The following PDE11A variants were observed in gnomAD, a reference collection of about 807,000 sequenced individuals.
The protein encoded by PDE11A is phosphodiesterase 11A.
PDE11A carries 100 observed loss-of-function variants against 100.5 expected under a neutral mutation model. The observed-to-expected ratio is 1.00, with a 90% CI of 0.85 to 1.18. The LOEUF (loss-of-function observed/expected upper bound fraction) is 1.18. Ranked by LOEUF, PDE11A falls within the 50% of genes most tolerant of loss-of-function variation. The pLI is 0.00. For synonymous variants in PDE11A, 381 were observed against 420.8 expected (o/e 0.91, Z 1.16); for missense variants, 1,141 against 1,152.6 (o/e 0.99, Z 0.15).
intron 9 of PDE11A, among the ~76,000 whole-genome samples, chr2:177,794,219 G>A (rs548908824): frequency 6.6e-6 from 1 of 152,252 alleles, no homozygotes; most frequent in African/African-American, 2.4e-5. Context: ...GCACTGAATA[G>A]TACAAATAAA....
At chr2:177,859,759 A>T (rs1281471716) in intron 5 of PDE11A, among the ~76,000 whole-genome samples, 1 of 147,870 alleles carries the variant, frequency 6.8e-6, no homozygotes, top group African/African-American at 2.5e-5. Flanking sequence ...CTCATATGAT[A>T]AAAAAAAAAA....
intron 2 of PDE11A, among the ~76,000 whole-genome samples, chr2:177,955,820 T>A (rs2085554441): frequency 6.6e-6 from 1 of 152,220 alleles, no homozygotes. Context: ...AAGGATTCCC[T>A]ATTTAATAAA....
In PDE11A at chr2:177,820,271, T is replaced by C. The variant is rs1190496727; in HGVS notation, c.1525A>G (p.Ile509Val). The change falls in exon 7 of 20, where the codon ATA (isoleucine) becomes GTA (valine). Residue 509 changes from isoleucine (I) to valine (V), a missense_variant. By Grantham distance (29) the Ile-to-Val change is conservative. Coordinates refer to ENST00000286063, the MANE Select transcript of PDE11A (RefSeq NM_016953.4). ...ATAGGGACACAAAGAACAGATCTTA[T>C]GTGAAAACCAGATATCTGGTCTGCC... ...AEADQISGFHIRSVLCVPIWN... is the reference protein window; with the variant it reads ...AEADQISGFHVRSVLCVPIWN... 2 of 1,590,578 alleles carry C rather than the reference T, an allele frequency of 1.3e-6. No individual in the cohort carries two copies. Among genetic ancestry groups the C allele is most frequent in the African/African-American group, 1.3e-5 (1 of 74,382 alleles).
chr2:177,822,651 G>A (rs548184019), intron 6 of PDE11A, among the ~76,000 whole-genome samples: 8 of 151,948 alleles, frequency 5.3e-5, no homozygotes, highest in South Asian at 4.2e-4. Context: ...GATTTTTATC[G>A]GTATTTTTTG....
chr2:177,847,213 T>C (rs2083615566), intron 5 of PDE11A, among the ~76,000 whole-genome samples: 1 of 152,218 alleles, frequency 6.6e-6, no homozygotes, highest in Non-Finnish European at 1.5e-5. Flanking sequence ...CTGAGTAGGA[T>C]GAAGTGGGTA....
chr2:177,785,152 C>A (rs894497727), intron 9 of PDE11A, among the ~76,000 whole-genome samples: 2 of 152,126 alleles, frequency 1.3e-5, no homozygotes, highest in Non-Finnish European at 2.9e-5. Flanking sequence ...AATTATATAA[C>A]CTATGTCTCA....
At chr2:177,859,907 G>C (rs2083915674) in intron 5 of PDE11A, among the ~76,000 whole-genome samples, 1 of 151,808 alleles carries the variant, frequency 6.6e-6, no homozygotes, top group African/African-American at 2.4e-5. Context: ...AAAATACTTT[G>C]AATGAAAACA....
At chr2:177,851,069 A>C (rs1020600809) in intron 5 of PDE11A, among the ~76,000 whole-genome samples, 7 of 152,176 alleles carry the variant, frequency 4.6e-5, no homozygotes, top group African/African-American at 1.7e-4. Flanking sequence ...TCATGGTGCT[A>C]TAAAGACACA....
At chr2:177,770,092 A>T (rs2082292170) in intron 9 of PDE11A, among the ~76,000 whole-genome samples, 1 of 152,156 alleles carries the variant, frequency 6.6e-6, no homozygotes, top group Non-Finnish European at 1.5e-5. Context: ...ATTAGGAAAG[A>T]TTATATTGAT....
intron 5 of PDE11A, among the ~76,000 whole-genome samples, chr2:177,853,714 T>TG (rs1558974124): frequency 4.9e-4 from 8 of 16,282 alleles, no homozygotes; most frequent in Admixed American, 1.4e-3. Context: ...GTGTGTGTGT[T>TG]TGTGTGTGTG....
intron 10 of PDE11A, among the ~76,000 whole-genome samples, chr2:177,760,403 T>G (rs1267142715): frequency 2.6e-5 from 4 of 152,204 alleles, no homozygotes; most frequent in Non-Finnish European, 4.4e-5. Context: ...CTTTCAAATA[T>G]AATATAGTCA....
chr2:177,845,073 G>T (rs1349733793), intron 5 of PDE11A, among the ~76,000 whole-genome samples: 1 of 151,964 alleles, frequency 6.6e-6, no homozygotes, highest in African/African-American at 2.4e-5. Context: ...CAGACGGGGT[G>T]GTGGCCGGGC....
At chr2:178,052,041 G>C (rs137957682) in intron 1 of PDE11A, among the ~76,000 whole-genome samples, 80,112 of 150,712 alleles carry the variant, frequency 0.53, 21,493 homozygotes, top group East Asian at 0.7. Context: ...ACTCTCCACC[G>C]CAAATCAACA....
intron 5 of PDE11A, among the ~76,000 whole-genome samples, chr2:177,866,104 T>C (rs2084024518): frequency 6.6e-6 from 1 of 152,216 alleles, no homozygotes; most frequent in Non-Finnish European, 1.5e-5. Context: ...TTGTTTTGGA[T>C]AGTTGAACAA....
At chr2:177,717,498 T>C (rs1413094752) in intron 12 of PDE11A, among the ~76,000 whole-genome samples, 1 of 152,200 alleles carries the variant, frequency 6.6e-6, no homozygotes, top group Non-Finnish European at 1.5e-5. Flanking sequence ...TAAAATTATA[T>C]TTTTCTGCTC....
At position 177,728,067 on chromosome 2, in the gene PDE11A, T is replaced by C. The variant is rs748751920; in HGVS notation, c.1894A>G (p.Met632Val). The change falls in exon 11 of 20, where the codon ATG becomes GTG. Residue 632 changes from methionine to valine, a missense_variant. Physicochemically the swap from Met to Val is conservative, Grantham distance 21. Transcript: ENST00000286063. ...AATTTCTGTACCATCCCCAGCTCCA[T>C]GAACATCCGGAGAGCAGCTGTGATC... is the stretch of plus-strand genomic sequence containing the variant. ...AMITAALRMFMELGMVQKFKI... is the reference protein window; with the variant it reads ...AMITAALRMFVELGMVQKFKI... The C allele has an allele frequency of 7.4e-6, 12 of 1,613,074 alleles. No individual in the cohort carries two copies. In the East Asian group the frequency reaches 2.0e-4, roughly 27 times the overall value.
intron 10 of PDE11A, among the ~76,000 whole-genome samples, chr2:177,736,699 T>C (rs1271506342): frequency 6.6e-6 from 1 of 152,114 alleles, no homozygotes; most frequent in Admixed American, 6.5e-5. Flanking sequence ...AGGACTCCCA[T>C]GTTGGAGCTC....
intron 1 of PDE11A, among the ~76,000 whole-genome samples, chr2:178,049,012 TCTATGAA>T (rs2086787885): frequency 2.6e-5 from 4 of 152,094 alleles, no homozygotes; most frequent in African/African-American, 9.7e-5. Flanking sequence ...TGTTTCCTAA[TCTATGAA>T]AGGAAAGGGA....
chr2:177,852,392 A>AC (rs2083729165), intron 5 of PDE11A, among the ~76,000 whole-genome samples: 1 of 151,812 alleles, frequency 6.6e-6, no homozygotes, highest in East Asian at 2.0e-4. Flanking sequence ...CCAAATATTG[A>AC]TTTTTGATCT....
Sources: gnomAD v4.1 joint callset for allele counts (sites outside exome capture counted in the v4.1 genomes callset) on GRCh38, gnomAD v4.1.1 for gene constraint, MANE v1.5 for transcripts, NCBI Gene and HGNC (gene_info 2026-07-23, HGNC 2026-07-21) for gene names.